Variants in NPSR1 observed in about 807,000 individuals in gnomAD.
The protein encoded by NPSR1 is neuropeptide S receptor.
A neutral mutation model predicts 46.9 loss-of-function variants in NPSR1; 48 were observed. The ratio of observed to expected loss-of-function variants is 1.02; its 90% confidence interval spans 0.81 to 1.30. NPSR1 has a LOEUF of 1.30. NPSR1 is among the 50% of genes most tolerant of loss of function. The probability of loss-of-function intolerance (pLI) is 0.00; values close to 1 mark genes in which losing one functional copy is unlikely to be tolerated. For synonymous variants in NPSR1, 176 were observed against 168.1 expected (o/e 1.05, Z -0.36); for missense variants, 450 against 449.5 (o/e 1.00, Z -0.01).
At chr7:34,818,287 G>C (rs542651609) in intron 4 of NPSR1, among the ~76,000 whole-genome samples, 3 of 152,270 alleles carry the variant, frequency 2.0e-5, no homozygotes, top group East Asian at 3.9e-4. Context: ...GACAAACAGA[G>C]AGCCAAATCA....
intron 2 of NPSR1, among the ~76,000 whole-genome samples, chr7:34,748,216 G>A (rs1173947679): frequency 6.6e-6 from 1 of 152,234 alleles, no homozygotes; most frequent in African/African-American, 2.4e-5. Flanking sequence ...TTTACTGGGA[G>A]TGTTAGCCTG....
chr7:34,843,092 C>T (rs1424102338), intron 6 of NPSR1, among the ~76,000 whole-genome samples: 1 of 152,184 alleles, frequency 6.6e-6, no homozygotes, highest in Non-Finnish European at 1.5e-5. Context: ...TCTGCATCTC[C>T]CACACAGCCT....
At chr7:34,663,103 A>G (rs968293963) in intron 1 of NPSR1, among the ~76,000 whole-genome samples, 128 of 52,772 alleles carry the variant, frequency 2.4e-3, no homozygotes, top group South Asian at 5.0e-3. Flanking sequence ...GGCGGGGGGG[A>G]GTGGGGGTAG....
chr7:34,855,525 G>A (rs1791031128), intron 8 of NPSR1, among the ~76,000 whole-genome samples: 2 of 152,000 alleles, frequency 1.3e-5, no homozygotes, highest in Admixed American at 6.6e-5. Context: ...ATTGACCCAA[G>A]AAGAAACAAA....
intron 2 of NPSR1, among the ~76,000 whole-genome samples, chr7:34,756,239 G>A (rs1315123953): frequency 6.6e-6 from 1 of 152,192 alleles, no homozygotes; most frequent in South Asian, 2.1e-4. Context: ...AAGAGAGTGA[G>A]ATTGGATTTT....
chr7:34,734,676 G>A (rs1784586039), intron 2 of NPSR1, among the ~76,000 whole-genome samples: 1 of 152,164 alleles, frequency 6.6e-6, no homozygotes, highest in African/African-American at 2.4e-5. Context: ...TTGTTCTGAA[G>A]GGAGATCTGG....
chr7:34,757,625 C>A (rs1166564946), intron 2 of NPSR1, among the ~76,000 whole-genome samples: 14 of 152,168 alleles, frequency 9.2e-5, no homozygotes, highest in African/African-American at 2.7e-4. Context: ...TGAAGCCCAG[C>A]CTGTTCTTAC....
At chr7:34,798,496 C>G (rs559777301) in intron 3 of NPSR1, among the ~76,000 whole-genome samples, 141 of 152,266 alleles carry the variant, frequency 9.3e-4, no homozygotes, top group African/African-American at 3.2e-3. Flanking sequence ...GATTGTACCA[C>G]TACACTCCAG....
Position 34,686,453 on chromosome 7 carries a change from T to C in NPSR1, c.280+1769T>C, listed in dbSNP as rs1387208641. Among the ~76,000 whole-genome samples the C allele has an allele frequency of 3.9e-5, 6 of 152,246 alleles. No individual in the cohort carries two copies. In the East Asian group the frequency reaches 1.2e-3, roughly 29 times the overall value. ...CTTTGGTAAAGGAGGTGAGAATACA[T>C]ACCTGAGTCTTGAGTATGCATATAG... On this transcript the variant is annotated intron_variant, in intron 2 of 8. Coordinates refer to ENST00000360581, the MANE Select transcript of NPSR1 (RefSeq NM_207172.2).
Position 34,807,458 on chromosome 7 carries a change from C to T in NPSR1, c.385-4312C>T, listed in dbSNP as rs538429078. Among the ~76,000 whole-genome samples the T allele has an allele frequency of 2.6e-5, 4 of 152,190 alleles. No individual in the cohort carries two copies. The South Asian group carries it at 8.3e-4, about 32-fold the overall frequency. ...TATAACTTTGTGAATATCCTATTGC[C>T]ATCATGTGTTGTATCTTTTATCAAT... On this transcript the variant is annotated intron_variant, in intron 3 of 8. Coordinates refer to ENST00000360581, the MANE Select transcript of NPSR1 (RefSeq NM_207172.2).
chr7:34,823,054 A>T (rs1789631582), intron 4 of NPSR1, among the ~76,000 whole-genome samples: 1 of 152,222 alleles, frequency 6.6e-6, no homozygotes, highest in African/African-American at 2.4e-5. Flanking sequence ...ATTCTAATTG[A>T]GTAAATGGGC....
At position 34,849,739 on chromosome 7, in the gene NPSR1, C is replaced by T. The variant is rs34418937; in HGVS notation, c.*84C>T. ...CCTGCTTGGGCACGTGCATGGAACC[C>T]GAGCCAACTTCACCCCACCCTCGTC... On this transcript the variant is annotated 3_prime_UTR_variant, in exon 9 of 9. Coordinates refer to ENST00000360581, the MANE Select transcript of NPSR1 (RefSeq NM_207172.2). 2.5e-3 allele frequency: 3,901 copies of T among 1,580,524 alleles called. 58 individuals carry two copies. In the African/African-American group the frequency reaches 0.036, roughly 14 times the overall value.
chr7:34,849,484 A>G (rs1790865554), intron 8 of NPSR1, 81 bp from the exon 9 acceptor site: 3 of 1,603,716 alleles, frequency 1.9e-6, no homozygotes, highest in Non-Finnish European at 2.6e-6. Flanking sequence ...ATTTTTCATA[A>G]CTATTGTCTC....
At chr7:34,867,753 T>G (rs981694726) in intron 8 of NPSR1, among the ~76,000 whole-genome samples, 1 of 151,852 alleles carries the variant, frequency 6.6e-6, no homozygotes, top group South Asian at 2.1e-4. Context: ...ATAAAGCAAG[T>G]GGCTCCCCTG....
chr7:34,780,275 C>T (rs1787172634), intron 3 of NPSR1, among the ~76,000 whole-genome samples: 1 of 152,150 alleles, frequency 6.6e-6, no homozygotes, highest in African/African-American at 2.4e-5. Context: ...TTGGCAACCA[C>T]ACTATCTTCA....
At chr7:34,794,402 A>T (rs1788079177) in intron 3 of NPSR1, among the ~76,000 whole-genome samples, 1 of 152,250 alleles carries the variant, frequency 6.6e-6, no homozygotes, top group South Asian at 2.1e-4. Context: ...TAAGAAAGGA[A>T]TATTATGAAC....
At chr7:34,763,423 G>GTAA (rs909221644) in intron 2 of NPSR1, among the ~76,000 whole-genome samples, 2 of 152,134 alleles carry the variant, frequency 1.3e-5, no homozygotes, top group African/African-American at 4.8e-5. Context: ...CTGTTACTAT[G>GTAA]TAATATCACA....
intron 6 of NPSR1, among the ~76,000 whole-genome samples, chr7:34,835,441 A>T (rs1263924092): frequency 2.6e-5 from 4 of 152,328 alleles, no homozygotes; most frequent in South Asian, 2.1e-4. Flanking sequence ...TGGCAAAGTT[A>T]TCTAATCCCT....
chr7:34,667,091 AT>A (rs904968340), intron 1 of NPSR1, among the ~76,000 whole-genome samples: 10 of 152,180 alleles, frequency 6.6e-5, no homozygotes, highest in African/African-American at 2.4e-4. Context: ...CAATAAGAAG[AT>A]TTTTTTATTC....
Sources: allele counts gnomAD v4.1 joint callset (sites outside exome capture counted in the v4.1 genomes callset), GRCh38; gene constraint gnomAD v4.1.1; transcripts MANE v1.5; gene names NCBI Gene and HGNC (gene_info 2026-07-23, HGNC 2026-07-21).